Variants in CFDP1 observed in about 807,000 individuals in gnomAD.
CFDP1 encodes heterochromatin-stabilizing protein CFDP1.
In CFDP1, 31 loss-of-function variants were observed where a neutral mutation model predicts 40.1. The observed-to-expected ratio is 0.77, with a 90% CI of 0.58 to 1.04. CFDP1 has a LOEUF of 1.04. CFDP1 is among the 50% of genes least tolerant of loss of function. CFDP1 has a pLI of 0.00. For synonymous variants in CFDP1, 167 were observed against 120.0 expected, an observed-to-expected ratio of 1.39 and a Z score of -2.56; for missense variants, 423 against 343.4, an observed-to-expected ratio of 1.23 and a Z score of -1.83.
chr16:75,406,619 T>C (rs1456070819), intron 4 of CFDP1: 1 of 152,178 alleles, frequency 6.6e-6, no homozygotes, highest in Non-Finnish European at 1.5e-5. Context: ...GAGAATGGTC[T>C]GAACCCCGGA....
At chr16:75,375,387 G>T (rs776234538) in intron 5 of CFDP1, among the ~76,000 whole-genome samples, 2 of 151,966 alleles carry the variant, frequency 1.3e-5, no homozygotes, top group African/African-American at 4.8e-5. Context: ...AATAAAAATG[G>T]GTAAGATTGG....
rs150348932 is a variant in CFDP1, at chr16:75,351,745, C to T, written c.650+43345G>A. On this transcript the variant is annotated intron_variant, in intron 5 of 6. Transcript: ENST00000283882. Reference sequence around the variant, plus strand: ...GTAAATAGCCAAGTGTGGTGGCTCACGCCTGTAATTCCAGCACTTTGGGAG... The same window carrying T: ...GTAAATAGCCAAGTGTGGTGGCTCATGCCTGTAATTCCAGCACTTTGGGAG... Among the ~76,000 whole-genome samples the T allele has an allele frequency of 9.4e-4, 143 of 152,206 alleles. 1 individual carries two copies. The highest frequency in any genetic ancestry group is 6.2e-3 in the Admixed American group (95 of 15,284).
At chr16:75,393,426 AG>A (rs896301431) in intron 5 of CFDP1, among the ~76,000 whole-genome samples, 3 of 152,158 alleles carry the variant, frequency 2.0e-5, no homozygotes, top group African/African-American at 7.2e-5. Context: ...AGGGCTGCAA[AG>A]ATGGGGAAGG....
chr16:75,375,722 T>C (rs926189631), intron 5 of CFDP1, among the ~76,000 whole-genome samples: 6 of 144,330 alleles, frequency 4.2e-5, no homozygotes, highest in African/African-American at 1.6e-4. Flanking sequence ...ACCCCAGAGG[T>C]GGAGGTTGCA....
intron 5 of CFDP1, among the ~76,000 whole-genome samples, chr16:75,308,315 T>C (rs537229997): frequency 1.3e-5 from 2 of 152,300 alleles, no homozygotes; most frequent in South Asian, 4.1e-4. Flanking sequence ...ATATTGACTT[T>C]TCCTCCTTCC....
intron 5 of CFDP1, among the ~76,000 whole-genome samples, chr16:75,370,593 T>A (rs191977439): frequency 6.6e-6 from 1 of 152,260 alleles, no homozygotes; most frequent in Non-Finnish European, 1.5e-5. Context: ...CAGGGTGCAG[T>A]AGCTGACGCC....
chr16:75,304,764 C>G (rs1477821959), intron 6 of CFDP1, among the ~76,000 whole-genome samples: 1 of 152,228 alleles, frequency 6.6e-6, no homozygotes, highest in East Asian at 1.9e-4. Context: ...TGTAATTCAG[C>G]AAATTCAGCT....
In CFDP1 at chr16:75,414,708, A is replaced by T; in HGVS notation, c.65-13T>A. The T allele has an allele frequency of 6.6e-7, 1 of 1,510,376 alleles. No homozygotes were observed. Among genetic ancestry groups the T allele is most frequent in the Non-Finnish European group, 9.2e-7 (1 of 1,086,350 alleles). The allele number at this position is 1,510,376 out of a possible 1,614,324, so 93.6% of individuals were successfully genotyped here. Reference sequence around the variant, plus strand: ...CTATACTCTCCACCTGAAATCACATAACAGGGTGATCAGACAGGAATAAAG... The same window carrying T: ...CTATACTCTCCACCTGAAATCACATTACAGGGTGATCAGACAGGAATAAAG... On this transcript the variant is annotated splice_polypyrimidine_tract_variant and intron_variant, in intron 1 of 6. Transcript: ENST00000283882.
intron 5 of CFDP1, among the ~76,000 whole-genome samples, chr16:75,335,554 A>AT (rs71380718): frequency 0.2 from 24,719 of 121,346 alleles, 2,943 homozygotes; most frequent in African/African-American, 0.29. Flanking sequence ...ACAAATCTCC[A>AT]TTTTTTTTTT....
At chr16:75,431,087 G>A (rs1353238764) in intron 1 of CFDP1, among the ~76,000 whole-genome samples, 1 of 152,032 alleles carries the variant, frequency 6.6e-6, no homozygotes, top group African/African-American at 2.4e-5. Context: ...AACAAGAAGT[G>A]CAGGAAAAGT....
intron 6 of CFDP1, among the ~76,000 whole-genome samples, chr16:75,297,071 A>G (rs138076076): frequency 2.0e-5 from 3 of 152,016 alleles, no homozygotes; most frequent in Non-Finnish European, 2.9e-5. Context: ...AAACTGTGAG[A>G]AGTGCTTTGT....
intron 5 of CFDP1, among the ~76,000 whole-genome samples, chr16:75,327,021 A>G (rs978076095): frequency 4.6e-5 from 7 of 152,244 alleles, no homozygotes; most frequent in Non-Finnish European, 8.8e-5. Context: ...CTGTAATCCC[A>G]GCACTTTGGG....
chr16:75,399,878 G>C (rs1007567147), intron 4 of CFDP1, among the ~76,000 whole-genome samples: 2 of 152,072 alleles, frequency 1.3e-5, no homozygotes, highest in Admixed American at 6.6e-5. Flanking sequence ...AAGGCAGGCG[G>C]ATCACCTGAG....
intron 1 of CFDP1, among the ~76,000 whole-genome samples, chr16:75,422,284 G>C (rs2079289272): frequency 6.6e-6 from 1 of 151,820 alleles, no homozygotes; most frequent in South Asian, 2.1e-4. Flanking sequence ...TTTTAGTAGA[G>C]ACAGGGTTTC....
chr16:75,374,025 G>C (rs957475971), intron 5 of CFDP1, among the ~76,000 whole-genome samples: 1 of 152,102 alleles, frequency 6.6e-6, no homozygotes, highest in Admixed American at 6.5e-5. Flanking sequence ...GGCCAAACCA[G>C]GTGGATCACC....
intron 1 of CFDP1, among the ~76,000 whole-genome samples, chr16:75,416,905 C>T (rs1175971975): frequency 6.6e-6 from 1 of 152,132 alleles, no homozygotes; most frequent in Non-Finnish European, 1.5e-5. Flanking sequence ...GGCTAAGTGA[C>T]AGTGTTTCAT....
At position 75,309,277 on chromosome 16, in the gene CFDP1, T is replaced by C. The variant is rs552778417; in HGVS notation, c.651-4095A>G. Among the ~76,000 whole-genome samples the C allele has an allele frequency of 7.9e-5, 12 of 152,252 alleles. No individual in the cohort carries two copies. The East Asian group carries it at 1.9e-3, about 25-fold the overall frequency. On this transcript the variant is annotated intron_variant, in intron 5 of 6. Coordinates refer to ENST00000283882, the MANE Select transcript of CFDP1 (RefSeq NM_006324.3). ...GGCAGATTTACTGTGACCTTGCCGC[T>C]TTCTCTGCCACAAAGGTACATGAAC...
chr16:75,387,145 T>C (rs2078905084), intron 5 of CFDP1, among the ~76,000 whole-genome samples: 1 of 149,906 alleles, frequency 6.7e-6, no homozygotes, highest in African/African-American at 2.4e-5. Flanking sequence ...TCTTTCTTTT[T>C]TTTTTTTTTT....
At chr16:75,384,854 ATATATATATATATATATATATATATAT>A (rs2078880368) in intron 5 of CFDP1, among the ~76,000 whole-genome samples, 6 of 124,858 alleles carry the variant, frequency 4.8e-5, no homozygotes, top group African/African-American at 1.1e-4. Flanking sequence ...AACTAAAACT[ATATATATATATATATATATATATATAT>A]ATATATATAT....
Sources: allele counts gnomAD v4.1 joint callset (sites outside exome capture counted in the v4.1 genomes callset), GRCh38; gene constraint gnomAD v4.1.1; transcripts MANE v1.5; gene names NCBI Gene and HGNC (gene_info 2026-07-23, HGNC 2026-07-21).